EXOC6B: variants seen among roughly 807,000 people sequenced by gnomAD.
EXOC6B encodes the protein exocyst complex component 6B, also known as SEC15 homolog B.
In EXOC6B, 54 loss-of-function variants were observed where a neutral mutation model predicts 113.5. That is an observed-to-expected ratio of 0.48 (90% CI 0.38 to 0.60). The LOEUF is 0.60. Ranked by LOEUF, EXOC6B falls within the 20% of genes least tolerant of loss-of-function variation. The pLI is 0.00. For missense variants in EXOC6B, 797 were observed against 977.5 expected, an observed-to-expected ratio of 0.82 and a Z score of 2.46; for synonymous variants, 357 against 339.0, an observed-to-expected ratio of 1.05 and a Z score of -0.58.
At chr2:72,525,684 C>G (rs1280202188) in intron 8 of EXOC6B, among the ~76,000 whole-genome samples, 7 of 152,030 alleles carry the variant, frequency 4.6e-5, no homozygotes, top group Admixed American at 4.6e-4. Context: ...TAGACAAGAA[C>G]ATTTTTAATA....
intron 20 of EXOC6B, among the ~76,000 whole-genome samples, chr2:72,238,715 T>C (rs1682119250): frequency 1.3e-5 from 2 of 152,336 alleles, no homozygotes; most frequent in East Asian, 3.9e-4. Flanking sequence ...TGGAGAAATG[T>C]CCATTTAAAT....
At chr2:72,455,501 T>TTAGAGG (rs1697172584) in intron 18 of EXOC6B, among the ~76,000 whole-genome samples, 1 of 152,134 alleles carries the variant, frequency 6.6e-6, no homozygotes, top group Non-Finnish European at 1.5e-5. Context: ...AGCTTAGTGC[T>TTAGAGG]TCTCATATAG....
chr2:72,733,225 T>G, intron 2 of EXOC6B, 107 bp from the exon 3 acceptor site: 1 of 793,164 alleles, frequency 1.3e-6, no homozygotes, highest in Non-Finnish European at 2.1e-6. Context: ...GTTAAATATT[T>G]TCAGTACTCC....
chr2:72,617,517 CTTTTTTTTTT>C (rs201912352), intron 6 of EXOC6B, among the ~76,000 whole-genome samples: 1 of 96,954 alleles, frequency 1.0e-5, no homozygotes, highest in East Asian at 2.9e-4. Context: ...AATCTTTTTT[CTTTTTTTTTT>C]TTTTTTTTTT....
At chr2:72,354,949 G>C (rs1012827854) in intron 19 of EXOC6B, among the ~76,000 whole-genome samples, 5 of 152,158 alleles carry the variant, frequency 3.3e-5, no homozygotes, top group Non-Finnish European at 7.3e-5. Flanking sequence ...ACTCAATCCT[G>C]CTTTTAAAAA....
chr2:72,663,568 A>T (rs1218319153), intron 6 of EXOC6B, among the ~76,000 whole-genome samples: 1 of 152,190 alleles, frequency 6.6e-6, no homozygotes, highest in Non-Finnish European at 1.5e-5. Flanking sequence ...TGAAACCACA[A>T]CTTGTAGGAT....
chr2:72,389,629 C>T (rs1692249838), intron 18 of EXOC6B, among the ~76,000 whole-genome samples: 1 of 151,918 alleles, frequency 6.6e-6, no homozygotes, highest in Admixed American at 6.6e-5. Context: ...CATTATTATA[C>T]CTTAATTTTT....
At chr2:72,674,460 G>A (rs977497405) in intron 6 of EXOC6B, among the ~76,000 whole-genome samples, 2 of 152,172 alleles carry the variant, frequency 1.3e-5, no homozygotes, top group South Asian at 2.1e-4. Flanking sequence ...AAACATTAAC[G>A]TAAGATGCAT....
chr2:72,539,177 T>G (rs1040185884), intron 8 of EXOC6B, among the ~76,000 whole-genome samples: 2 of 151,994 alleles, frequency 1.3e-5, no homozygotes, highest in African/African-American at 4.8e-5. Flanking sequence ...GAACGCTTGA[T>G]TTGCCAGTAG....
intron 20 of EXOC6B, among the ~76,000 whole-genome samples, chr2:72,282,672 G>A (rs1487454369): frequency 1.3e-5 from 2 of 152,000 alleles, no homozygotes; most frequent in Non-Finnish European, 2.9e-5. Context: ...GCTCATTAGA[G>A]CATACCTTAA....
Position 72,652,534 on chromosome 2 carries a change from C to T in EXOC6B, c.669+65569G>A, listed in dbSNP as rs971635964. Among the ~76,000 whole-genome samples the T allele has an allele frequency of 3.5e-4, 53 of 151,784 alleles. 1 individual carries two copies. Among genetic ancestry groups the T allele is most frequent in the African/African-American group, 1.2e-3 (51 of 41,338 alleles). The stretch of plus-strand genomic sequence containing the variant: ...TGATTATTAACATCTCAGATTCTGA[C>T]ATTAGTTATTTCTCAATAGATGAAG... On this transcript the variant is annotated intron_variant, in intron 6 of 21. Coordinates refer to ENST00000272427, the MANE Select transcript of EXOC6B (RefSeq NM_015189.3).
intron 20 of EXOC6B, among the ~76,000 whole-genome samples, chr2:72,224,673 A>G (rs557944726): frequency 6.6e-6 from 1 of 152,182 alleles, no homozygotes; most frequent in East Asian, 1.9e-4. Flanking sequence ...TCTGTTGCCC[A>G]GGCTGGAGTG....
chr2:72,240,007 C>T (rs1030817125), intron 20 of EXOC6B, among the ~76,000 whole-genome samples: 1 of 151,574 alleles, frequency 6.6e-6, no homozygotes, highest in East Asian at 1.9e-4. Context: ...TATAATATAC[C>T]AAGGTACAAG....
At chr2:72,312,324 C>G (rs1371395622) in intron 20 of EXOC6B, among the ~76,000 whole-genome samples, 1 of 150,248 alleles carries the variant, frequency 6.7e-6, no homozygotes, top group Non-Finnish European at 1.5e-5. Flanking sequence ...TTTTCCCCAA[C>G]TGAGTCAATT....
At chr2:72,305,320 GTGTGTATATGTA>G (rs1686770188) in intron 20 of EXOC6B, among the ~76,000 whole-genome samples, 1 of 85,164 alleles carries the variant, frequency 1.2e-5, no homozygotes, top group Non-Finnish European at 3.0e-5. Flanking sequence ...AAATATGGGT[GTGTGTATATGTA>G]TATGTATATG....
intron 20 of EXOC6B, among the ~76,000 whole-genome samples, chr2:72,306,895 T>C (rs1686894630): frequency 1.3e-5 from 2 of 152,212 alleles, no homozygotes; most frequent in Admixed American, 1.3e-4. Context: ...ATTTAAGATA[T>C]TTGTATCTGT....
intron 18 of EXOC6B, among the ~76,000 whole-genome samples, chr2:72,456,379 C>T (rs957966407): frequency 6.6e-6 from 1 of 152,020 alleles, no homozygotes; most frequent in African/African-American, 2.4e-5. Context: ...AATGCCCAGG[C>T]AGGAATTCAG....
Position 72,793,657 on chromosome 2 carries a change from G to A in EXOC6B, c.113+32141C>T, listed in dbSNP as rs559798414. On this transcript the variant is annotated intron_variant, in intron 1 of 21. Transcript: ENST00000272427. ...TAAGTATGGCTGTCAGGTAGAAAAT[G>A]ATGAAAAGAACACTTCTTGCAAACA... Among the ~76,000 whole-genome samples the A allele has an allele frequency of 6.6e-5, 10 of 152,306 alleles. No homozygotes were observed. The South Asian group carries it at 1.9e-3, about 28-fold the overall frequency.
At chr2:72,228,943 T>C (rs1353591674) in intron 20 of EXOC6B, among the ~76,000 whole-genome samples, 6 of 152,228 alleles carry the variant, frequency 3.9e-5, no homozygotes, top group African/African-American at 7.2e-5. Context: ...TCCTGACTTT[T>C]TAATGATCGC....
Sources: gnomAD v4.1 joint callset for allele counts (sites outside exome capture counted in the v4.1 genomes callset) on GRCh38, gnomAD v4.1.1 for gene constraint, MANE v1.5 for transcripts, NCBI Gene and HGNC (gene_info 2026-07-23, HGNC 2026-07-21) for gene names.